CERS3: variants seen among roughly 807,000 people sequenced by gnomAD.
CERS3 encodes the protein ceramide synthase 3.
CERS3 carries 33 observed loss-of-function variants against 50.3 expected under a neutral mutation model. The ratio of observed to expected loss-of-function variants is 0.66; its 90% CI spans 0.50 to 0.88. CERS3 has a LOEUF of 0.88. CERS3 is among the 40% of genes least tolerant of loss of function. CERS3 has a pLI of 0.00. For synonymous variants in CERS3, 176 were observed against 155.2 expected (o/e 1.13, Z -0.99); for missense variants, 470 against 460.3 (o/e 1.02, Z -0.19).
At chr15:100,437,571 G>C (rs2033477513) in intron 11 of CERS3, among the ~76,000 whole-genome samples, 1 of 152,228 alleles carries the variant, frequency 6.6e-6, no homozygotes, top group Admixed American at 6.5e-5. Flanking sequence ...AAAATGAAGA[G>C]GCTTGCTGAG....
intron 10 of CERS3, among the ~76,000 whole-genome samples, chr15:100,467,838 T>TAG: frequency 4.8e-5 from 3 of 62,368 alleles, no homozygotes; most frequent in Admixed American, 1.6e-4. Flanking sequence ...TATATACGTG[T>TAG]ATATATATAT....
chr15:100,450,456 A>G (rs1394554157), intron 11 of CERS3, among the ~76,000 whole-genome samples: 1 of 150,894 alleles, frequency 6.6e-6, no homozygotes, highest in East Asian at 1.9e-4. Context: ...ATCAAGCAGA[A>G]GAAAGAATTT....
intron 7 of CERS3, among the ~76,000 whole-genome samples, chr15:100,478,792 C>T (rs2035215228): frequency 6.6e-6 from 1 of 151,734 alleles, no homozygotes; most frequent in Non-Finnish European, 1.5e-5. Context: ...AAAAAAATAG[C>T]AAAGGTACTT....
intron 11 of CERS3, among the ~76,000 whole-genome samples, chr15:100,417,206 C>T (rs1290826785): frequency 8.6e-5 from 13 of 151,390 alleles, no homozygotes; most frequent in East Asian, 7.8e-4. Flanking sequence ...AGACAGTGGG[C>T]GCAGGTCAGT....
At chr15:100,532,665 G>T (rs1366743652), upstream of CERS3, among the ~76,000 whole-genome samples, 1 of 152,078 alleles carries the variant, frequency 6.6e-6, no homozygotes, top group East Asian at 1.9e-4. Flanking sequence ...AGGCTGAGGT[G>T]GGAGGATCAC....
At chr15:100,457,398 T>A in intron 10 of CERS3, among the ~76,000 whole-genome samples, 1 of 152,222 alleles carries the variant, frequency 6.6e-6, no homozygotes, top group East Asian at 1.9e-4. Context: ...CTTTGGTCTG[T>A]CTTCCAAGGA....
chr15:100,413,666 A>T (rs1003994965), intron 11 of CERS3, among the ~76,000 whole-genome samples: 1 of 152,068 alleles, frequency 6.6e-6, no homozygotes, highest in African/African-American at 2.4e-5. Context: ...TTGTAAAAAA[A>T]GTTGGTGAGC....
At chr15:100,418,962 A>G (rs1214249355) in intron 11 of CERS3, among the ~76,000 whole-genome samples, 2 of 126,474 alleles carry the variant, frequency 1.6e-5, no homozygotes, top group African/African-American at 5.3e-5. Context: ...AACCAGTACC[A>G]GCCACTGCAA....
At chr15:100,423,285 T>C (rs1234919708) in intron 11 of CERS3, among the ~76,000 whole-genome samples, 1 of 152,102 alleles carries the variant, frequency 6.6e-6, no homozygotes, top group Non-Finnish European at 1.5e-5. Flanking sequence ...CCCAAAGAAA[T>C]ATAAATTGTT....
At chr15:100,434,199 T>C (rs1445156845) in intron 11 of CERS3, among the ~76,000 whole-genome samples, 3 of 152,354 alleles carry the variant, frequency 2.0e-5, no homozygotes, top group African/African-American at 4.8e-5. Flanking sequence ...CCGAGGCCCA[T>C]TGGAAAGGAC....
intron 1 of CERS3, among the ~76,000 whole-genome samples, chr15:100,527,263 C>A (rs942539951): frequency 6.6e-6 from 1 of 152,182 alleles, no homozygotes; most frequent in African/African-American, 2.4e-5. Context: ...TGCCACTGCA[C>A]TGCAGCCTCA....
intron 1 of CERS3, among the ~76,000 whole-genome samples, chr15:100,543,572 C>G (rs1028870916): frequency 1.3e-5 from 2 of 149,750 alleles, no homozygotes; most frequent in South Asian, 4.2e-4. Flanking sequence ...TCTTGTTGCC[C>G]AGGCTGGAGT....
chr15:100,467,850 T>TATATAGATAGATAGATAGATAG (rs145899470), intron 10 of CERS3, among the ~76,000 whole-genome samples: 43 of 93,138 alleles, frequency 4.6e-4, no homozygotes, highest in East Asian at 2.2e-3. Flanking sequence ...TATATATATA[T>TATATAGATAGATAGATAGATAG]ATAGATAGAT....
chr15:100,452,151 C>T (rs1460801387), intron 11 of CERS3, among the ~76,000 whole-genome samples: 1 of 150,450 alleles, frequency 6.6e-6, no homozygotes, highest in Non-Finnish European at 1.5e-5. Flanking sequence ...CAGAACATTT[C>T]ATCCAATGGC....
intron 2 of CERS3, among the ~76,000 whole-genome samples, chr15:100,516,311 G>A (rs188045294): frequency 9.2e-4 from 140 of 152,260 alleles, no homozygotes; most frequent in African/African-American, 3.2e-3. Context: ...AAAAACTTTC[G>A]AGAGAACAGT....
intron 11 of CERS3, among the ~76,000 whole-genome samples, chr15:100,449,560 C>T (rs1404270320): frequency 2.0e-5 from 3 of 152,166 alleles, no homozygotes; most frequent in Admixed American, 6.5e-5. Context: ...CATTCCCATC[C>T]CCAGCAAAAC....
intron 11 of CERS3, among the ~76,000 whole-genome samples, chr15:100,424,735 C>T (rs1021022852): frequency 6.6e-6 from 1 of 152,156 alleles, no homozygotes; most frequent in Non-Finnish European, 1.5e-5. Context: ...TGTTCTGAAA[C>T]TGGAATTTAT....
intron 11 of CERS3, among the ~76,000 whole-genome samples, chr15:100,446,815 C>T (rs2033960775): frequency 6.6e-6 from 1 of 152,112 alleles, no homozygotes; most frequent in Non-Finnish European, 1.5e-5. Context: ...TAGTTGAGGC[C>T]ATGATGGGAA....
At chr15:100,403,612 C>A (rs1177673226) in intron 11 of CERS3, among the ~76,000 whole-genome samples, 2 of 152,150 alleles carry the variant, frequency 1.3e-5, no homozygotes, top group Non-Finnish European at 2.9e-5. Flanking sequence ...ATGCTATGAA[C>A]AACTCTATGC....
Sources: gnomAD v4.1 joint callset for allele counts (sites outside exome capture counted in the v4.1 genomes callset) on GRCh38, gnomAD v4.1.1 for gene constraint, MANE v1.5 for transcripts, NCBI Gene and HGNC (gene_info 2026-07-23, HGNC 2026-07-21) for gene names.